CYP7B1: variants seen among roughly 807,000 people sequenced by gnomAD.
CYP7B1 encodes the protein cytochrome P450 family 7 subfamily B member 1.
In CYP7B1, 29 loss-of-function variants were observed where a neutral mutation model predicts 42.7. The ratio of observed to expected loss-of-function variants is 0.68; its 90% confidence interval spans 0.51 to 0.93. The LOEUF is 0.93. Ranked by LOEUF, CYP7B1 falls within the 40% of genes least tolerant of loss-of-function variation. CYP7B1 has a pLI of 0.00. For missense variants in CYP7B1, 655 were observed against 600.5 expected, an observed-to-expected ratio of 1.09 and a Z score of -0.95; for synonymous variants, 235 against 218.2, an observed-to-expected ratio of 1.08 and a Z score of -0.68.
rs1379424500 is a variant in CYP7B1, at chr8:64,596,309, A to G, written c.*333T>C. On this transcript the variant is annotated 3_prime_UTR_variant, in exon 6 of 6. Coordinates refer to ENST00000310193, the MANE Select transcript of CYP7B1 (RefSeq NM_004820.5). ...TACATATTAGAGAACAATTTGAGTGATTTAAATTCCACAGTGCCCAATCTA... is the reference window on the plus strand; with the variant it reads ...TACATATTAGAGAACAATTTGAGTGGTTTAAATTCCACAGTGCCCAATCTA... 2 of 196,714 alleles carry G rather than the reference A, an allele frequency of 1.0e-5. No homozygotes were observed. The highest frequency in any genetic ancestry group is 4.7e-5 in the African/African-American group (2 of 42,528). The allele number at this position is 196,714 out of a possible 1,614,324, so 12.2% of individuals were successfully genotyped here.
At chr8:64,718,182 T>C (rs779070322) in intron 1 of CYP7B1, among the ~76,000 whole-genome samples, 2 of 152,106 alleles carry the variant, frequency 1.3e-5, no homozygotes, top group South Asian at 2.1e-4. Context: ...TGCATCCCTA[T>C]TGAATATTCA....
intron 1 of CYP7B1, among the ~76,000 whole-genome samples, chr8:64,795,486 C>T (rs2129735917): frequency 6.6e-6 from 1 of 152,316 alleles, no homozygotes; most frequent in East Asian, 1.9e-4. Flanking sequence ...GACCTCTCCC[C>T]TGAGCTTTTG....
chr8:64,665,098 A>C (rs923858836), intron 1 of CYP7B1, among the ~76,000 whole-genome samples: 3 of 152,158 alleles, frequency 2.0e-5, no homozygotes, highest in Admixed American at 6.5e-5. Context: ...GCACATTAAT[A>C]TTTATTAATT....
At chr8:64,666,049 A>G (rs1204079845) in intron 1 of CYP7B1, among the ~76,000 whole-genome samples, 2 of 152,232 alleles carry the variant, frequency 1.3e-5, no homozygotes, top group Admixed American at 6.5e-5. Context: ...AGATATTTGA[A>G]TGATATACAC....
chr8:64,620,763 A>C (rs1805519390), intron 2 of CYP7B1, among the ~76,000 whole-genome samples: 1 of 152,232 alleles, frequency 6.6e-6, no homozygotes, highest in Non-Finnish European at 1.5e-5. Context: ...TTCTAGTAAG[A>C]AGCAAAAGGG....
rs144938203 is a variant in CYP7B1 at position 64,643,063 on chromosome 8, T to C, written c.123-18524A>G. Among the ~76,000 whole-genome samples the C allele has an allele frequency of 2.6e-3, 181 of 69,260 alleles. 2 individuals are homozygous for C. The Middle Eastern group carries it at 0.042, about 16-fold the overall frequency. The allele number at this position is 69,260 out of a possible 152,430, so 45.4% of individuals were successfully genotyped here. A position where few individuals can be genotyped will look rare whatever the true frequency, so the allele number is the denominator to read the frequency against. On this transcript the variant is annotated intron_variant, in intron 1 of 5. Coordinates refer to ENST00000310193, the MANE Select transcript of CYP7B1 (RefSeq NM_004820.5). The stretch of plus-strand genomic sequence containing the variant: ...GTCAGTGTTCTCCAGAATAAAAGAA[T>C]CAATAGGATGTGTGTGTGTGTGTGT...
At chr8:64,746,092 T>A (rs1807639937) in intron 1 of CYP7B1, among the ~76,000 whole-genome samples, 1 of 152,078 alleles carries the variant, frequency 6.6e-6, no homozygotes, top group African/African-American at 2.4e-5. Context: ...TGGATCTAAG[T>A]TGAATTAAAA....
At chr8:64,668,131 T>C (rs1806310241) in intron 1 of CYP7B1, among the ~76,000 whole-genome samples, 1 of 152,232 alleles carries the variant, frequency 6.6e-6, no homozygotes, top group African/African-American at 2.4e-5. Flanking sequence ...GGCTTTACCT[T>C]TGATGAATAC....
chr8:64,710,072 G>A (rs1036547454), intron 1 of CYP7B1, among the ~76,000 whole-genome samples: 2 of 152,220 alleles, frequency 1.3e-5, no homozygotes, highest in Admixed American at 6.5e-5. Flanking sequence ...AAGCAGTAGA[G>A]AGTCACAGCA....
intron 1 of CYP7B1, among the ~76,000 whole-genome samples, chr8:64,633,668 G>C (rs1039987432): frequency 3.9e-5 from 6 of 152,142 alleles, no homozygotes; most frequent in Non-Finnish European, 8.8e-5. Flanking sequence ...TGGATAGGAA[G>C]AGTCAATATT....
At chr8:64,727,224 C>T (rs952554718) in intron 1 of CYP7B1, among the ~76,000 whole-genome samples, 1 of 152,204 alleles carries the variant, frequency 6.6e-6, no homozygotes, top group Non-Finnish European at 1.5e-5. Flanking sequence ...ATTATAAAGG[C>T]TCTCAATTCA....
chr8:64,685,999 G>C (rs1226073930), intron 1 of CYP7B1, among the ~76,000 whole-genome samples: 12 of 70,090 alleles, frequency 1.7e-4, no homozygotes, highest in African/African-American at 7.6e-4. Flanking sequence ...CGCCCCTACT[G>C]GGAAGTGAGG....
At chr8:64,761,795 A>G (rs1285476689) in intron 1 of CYP7B1, among the ~76,000 whole-genome samples, 1 of 152,182 alleles carries the variant, frequency 6.6e-6, no homozygotes, top group East Asian at 1.9e-4. Flanking sequence ...TTTGTTTCCT[A>G]AATAAGACTT....
chr8:64,631,019 A>G (rs1352137799), intron 1 of CYP7B1, among the ~76,000 whole-genome samples: 1 of 152,178 alleles, frequency 6.6e-6, no homozygotes, highest in African/African-American at 2.4e-5. Context: ...AATTCCATCA[A>G]ACATTAACAT....
chr8:64,610,564 G>A (rs968549535), intron 4 of CYP7B1, among the ~76,000 whole-genome samples: 3 of 151,904 alleles, frequency 2.0e-5, no homozygotes, highest in Non-Finnish European at 4.4e-5. Flanking sequence ...CGTTCATAAG[G>A]GAAACTGTGT....
chr8:64,696,343 A>G (rs911550550), intron 1 of CYP7B1, among the ~76,000 whole-genome samples: 2 of 152,238 alleles, frequency 1.3e-5, no homozygotes, highest in African/African-American at 4.8e-5. Context: ...TTTAGCCTTT[A>G]TAATGAAACT....
In CYP7B1 at chr8:64,798,533, G is replaced by A; in HGVS notation, c.55C>T (p.Leu19Phe). 2.0e-6 allele frequency: 3 copies of A among 1,498,726 alleles called. No homozygotes were observed. Among genetic ancestry groups the A allele is most frequent in the Non-Finnish European group, 2.6e-6 (3 of 1,132,886 alleles). 92.8% of individuals were successfully genotyped at this position (1,498,726 alleles called of 1,614,324 possible). Residue 19 changes from leucine (L) to phenylalanine (F), a missense_variant, in exon 1 of 6, where the codon CTC becomes TTC. Physicochemically the swap from Leu to Phe is conservative, Grantham distance 22. Transcript: ENST00000310193. ...TGRFSLERLG[L>F]PGLALAAALL... is the part of the protein sequence containing the mutation. ...GCCGCGGCGAGGGCCAGGCCCGGGA[G>A]GCCCAACCGCTCCAGCGAAAAGCGG...
intron 1 of CYP7B1, among the ~76,000 whole-genome samples, chr8:64,770,565 AT>A (rs1278079489): frequency 6.6e-6 from 1 of 152,250 alleles, no homozygotes; most frequent in African/African-American, 2.4e-5. Flanking sequence ...TACCATAAAA[AT>A]AAAACTATTG....
At chr8:64,743,590 C>T (rs1807600604) in intron 1 of CYP7B1, among the ~76,000 whole-genome samples, 1 of 152,182 alleles carries the variant, frequency 6.6e-6, no homozygotes, top group African/African-American at 2.4e-5. Context: ...CTCACTGAGT[C>T]TTCACCTGAC....
Sources: gnomAD v4.1 joint callset for allele counts (sites outside exome capture counted in the v4.1 genomes callset) on GRCh38, gnomAD v4.1.1 for gene constraint, MANE v1.5 for transcripts, NCBI Gene and HGNC (gene_info 2026-07-23, HGNC 2026-07-21) for gene names.